HBG2: variants seen among roughly 807,000 people sequenced by gnomAD.
HBG2 encodes hemoglobin subunit gamma-2.
For missense variants in HBG2, 59 were observed against 155.7 expected (o/e 0.38, Z 3.31); for synonymous variants, 25 against 63.2 (o/e 0.40, Z 2.87).
intron 2 of HBG2, among the ~76,000 whole-genome samples, chr11:5,254,036 A>G (rs112013786): frequency 6.6e-6 from 1 of 151,850 alleles, no homozygotes; most frequent in Non-Finnish European, 1.5e-5. Context: ...CCGAAATCTA[A>G]TAAAGAAAAG....
chr11:5,254,287 C>T lies in HBG2; in HGVS notation c.315+5G>A. 2 of 1,614,276 alleles carry T rather than the reference C, an allele frequency of 1.2e-6. No homozygotes were observed. The highest frequency in any genetic ancestry group is 1.7e-6 in the Non-Finnish European group (2 of 1,180,040). On this transcript the variant is annotated splice_donor_5th_base_variant and intron_variant, in intron 2 of 2. Transcript: ENST00000336906. The stretch of plus-strand genomic sequence containing the variant: ...CAACAGTGCTGAAACATCTCCTGGA[C>T]TCACCTTGAAGTTCTCAGGATCCAC...
rs1049842228 is a variant in HBG2 at position 5,253,246 on chromosome 11, C to A, written c.*31G>T. The A allele has an allele frequency of 1.5e-5, 25 of 1,613,582 alleles. No individual in the cohort carries two copies. Among genetic ancestry groups the A allele is most frequent in the Admixed American group, 6.7e-5 (4 of 60,000 alleles). On this transcript the variant is annotated 3_prime_UTR_variant, in exon 3 of 3. Coordinates refer to ENST00000336906, the MANE Select transcript of HBG2 (RefSeq NM_000184.3). The stretch of plus-strand genomic sequence containing the variant: ...TGATTGCTTGCAGAATAAAGCCTAT[C>A]CTTGAAAGCTCTGCATCATGGGCAG...
intron 2 of HBG2, 93 bp from the exon 3 acceptor site, chr11:5,253,498 C>T: frequency 2.4e-6 from 3 of 1,246,692 alleles, no homozygotes; most frequent in Non-Finnish European, 3.5e-6. Flanking sequence ...AGCTTCCACC[C>T]AGAATCAAGC....
At position 5,253,349 on chromosome 11, in the gene HBG2, G is replaced by A. The variant is rs764325049; in HGVS notation, c.372C>T (p.Thr124=). The A allele has an allele frequency of 1.2e-6, 2 of 1,613,876 alleles. No homozygotes were observed. The highest frequency in any genetic ancestry group is 1.1e-5 in the South Asian group (1 of 91,068). The part of the protein sequence containing the change: ...VLAIHFGKEF[T]PEVQASWQKM... ...TCTGCCAGGAAGCCTGCACCTCAGG[G>A]GTGAATTCTTTGCCGAAATGGATTG... Residue 124 remains threonine, a synonymous_variant, in exon 3 of 3, where the codon ACC becomes ACT. Transcript: ENST00000336906.
chr11:5,253,459 C>A, intron 2 of HBG2, 54 bp from the exon 3 acceptor site: 7 of 1,479,490 alleles, frequency 4.7e-6, no homozygotes, highest in Non-Finnish European at 6.6e-6. Context: ...CTGAGAGCTC[C>A]AGCCTGGCCT....
In HBG2 at chr11:5,254,304, AG is replaced by A; in HGVS notation, c.302del (p.Pro101LeufsTer12). 6.2e-7 allele frequency: 1 copy of A among 1,614,290 alleles called. No individual in the cohort carries two copies. The highest frequency in any genetic ancestry group is 1.1e-5 in the South Asian group (1 of 91,092). Reference sequence around the variant, plus strand: ...CTCCTGGACTCACCTTGAAGTTCTCAGGATCCACATGCAGCTTGTCACAGTG... The same window carrying A: ...CTCCTGGACTCACCTTGAAGTTCTCAGATCCACATGCAGCTTGTCACAGTG... Reference protein sequence around the residue: ...ELHCDKLHVDPENFKLLGNVL... With the variant: ...ELHCDKLHVDXENFKLLGNVL... On this transcript the variant is annotated frameshift_variant, in exon 2 of 3. Transcript: ENST00000336906. LOFTEE classifies it low-confidence loss of function (END_TRUNC).
chr11:5,254,160 C>G, intron 2 of HBG2, 132 bp downstream of exon 2: 1 of 1,089,822 alleles, frequency 9.2e-7, no homozygotes, highest in Non-Finnish European at 1.4e-6. Context: ...CCAGTTAGTC[C>G]TCTGCAGTTT....
At position 5,253,205 on chromosome 11, in the gene HBG2, G is replaced by A. The variant is rs772919663; in HGVS notation, c.*72C>T. 1.8e-5 allele frequency: 28 copies of A among 1,590,350 alleles called. No homozygotes were observed. The South Asian group carries it at 3.0e-4, about 17-fold the overall frequency. ...GACAACCATGTGTGATCTCTTAGCA[G>A]AATAGATTTATTATTTGATTGCTTG... On this transcript the variant is annotated 3_prime_UTR_variant, in exon 3 of 3. Coordinates refer to ENST00000336906, the MANE Select transcript of HBG2 (RefSeq NM_000184.3).
At chr11:5,254,130 C>T (rs1368712385) in intron 2 of HBG2, among the ~76,000 whole-genome samples, 162 bp downstream of exon 2, 3 of 151,906 alleles carry the variant, frequency 2.0e-5, no homozygotes, top group Non-Finnish European at 4.4e-5. Flanking sequence ...GGCCCTAAAA[C>T]ATTGCCACTG....
chr11:5,253,434 T>A lies in HBG2; in HGVS notation c.316-29A>T, dbSNP rs568297012. The A allele has an allele frequency of 1.7e-5, 27 of 1,603,304 alleles. 1 individual carries two copies. In the Admixed American group the frequency reaches 3.8e-4, roughly 23 times the overall value. On this transcript the variant is annotated intron_variant, in intron 2 of 2. Coordinates refer to ENST00000336906, the MANE Select transcript of HBG2 (RefSeq NM_000184.3). ...TTGAGATGAAAGGAGACAATAAAGATGAACCCATAGTGAGCTGAGAGCTCC... is the reference window on the plus strand; with the variant it reads ...TTGAGATGAAAGGAGACAATAAAGAAGAACCCATAGTGAGCTGAGAGCTCC...
intron 2 of HBG2, among the ~76,000 whole-genome samples, 182 bp downstream of exon 2, chr11:5,254,110 G>A (rs774066691): frequency 2.4e-4 from 37 of 151,912 alleles, no homozygotes; most frequent in Non-Finnish European, 3.1e-4. Flanking sequence ...ATTTTCAGAG[G>A]CACTCCTTAG....
chr11:5,254,662 C>T lies in HBG2; in HGVS notation c.67G>A (p.Asp23Asn), dbSNP rs1408925032. 1 of 874,254 alleles carries T rather than the reference C, an allele frequency of 1.1e-6. No homozygotes were observed. Among genetic ancestry groups the T allele is most frequent in the Non-Finnish European group, 1.8e-6 (1 of 551,930 alleles). 54.2% of individuals were successfully genotyped at this position (874,254 alleles called of 1,614,324 possible). The change falls in exon 1 of 3, where the codon GAT (aspartate) becomes AAT (asparagine). Residue 23 changes from aspartate to asparagine, a missense_variant. By Grantham distance (23) the Asp-to-Asn change is conservative. Coordinates refer to ENST00000336906, the MANE Select transcript of HBG2 (RefSeq NM_000184.3). ...TSLWGKVNVE[D>N]AGGETLGRLL... Reference sequence around the variant, plus strand: ...CTTCCCAGGGTTTCTCCTCCAGCATCTTCCACATTCACCTTGCCCCACAGG... The same window carrying T: ...CTTCCCAGGGTTTCTCCTCCAGCATTTTCCACATTCACCTTGCCCCACAGG...
At position 5,254,274 on chromosome 11, in the gene HBG2, A is replaced by G. The variant is rs766932762; in HGVS notation, c.315+18T>C. ...TCGAGACTAAAGGCAACAGTGCTGA[A>G]ACATCTCCTGGACTCACCTTGAAGT... On this transcript the variant is annotated intron_variant, in intron 2 of 2. Coordinates refer to ENST00000336906, the MANE Select transcript of HBG2 (RefSeq NM_000184.3). The G allele has an allele frequency of 2.6e-5, 42 of 1,614,138 alleles. No individual in the cohort carries two copies. Among genetic ancestry groups the G allele is most frequent in the Non-Finnish European group, 3.5e-5 (41 of 1,180,040 alleles).
intron 2 of HBG2, 152 bp downstream of exon 2, chr11:5,254,140 G>C: frequency 1.0e-6 from 1 of 985,472 alleles, no homozygotes; most frequent in Non-Finnish European, 1.6e-6. Flanking sequence ...CATTGCCACT[G>C]GGTCTCAGCC....
chr11:5,254,010 G>A (rs11036475), intron 2 of HBG2, among the ~76,000 whole-genome samples: 65,167 of 150,366 alleles, frequency 0.43, 15,758 homozygotes, highest in East Asian at 0.77. Context: ...TAGGGGAAAG[G>A]TGAAAGTTCT....
Position 5,253,303 on chromosome 11 carries a change from T to C in HBG2, c.418A>G (p.Ser140Gly), listed in dbSNP as rs1847972258. The change falls in exon 3 of 3, where the codon AGT (serine) becomes GGT (glycine). Residue 140 changes from serine (S) to glycine (G), a missense_variant. Ser to Gly is a moderately conservative substitution (Grantham distance 56, BLOSUM62 0). Transcript: ENST00000336906. ...CAGTGGTATCTGGAGGACAGGGCAC[T>C]GGCCACTCCAGTCACCATCTTCTGC... ...SWQKMVTGVA[S>G]ALSSRYH 2 of 1,614,118 alleles carry C rather than the reference T, an allele frequency of 1.2e-6. No homozygotes were observed. The highest frequency in any genetic ancestry group is 2.7e-5 in the African/African-American group (2 of 75,058).
chr11:5,253,490 C>G (rs113425530), intron 2 of HBG2, 85 bp from the exon 3 acceptor site: 13 of 1,256,844 alleles, frequency 1.0e-5, no homozygotes, highest in Admixed American at 1.8e-5. Flanking sequence ...ACACACCAAG[C>G]TTCCACCCAG....
At position 5,253,226 on chromosome 11, in the gene HBG2, GC is replaced by G. The variant is rs777041659; in HGVS notation, c.*50del. 5.0e-6 allele frequency: 8 copies of G among 1,608,616 alleles called. No homozygotes were observed. The highest frequency in any genetic ancestry group is 6.8e-6 in the Non-Finnish European group (8 of 1,175,018). On this transcript the variant is annotated 3_prime_UTR_variant, in exon 3 of 3. Coordinates refer to ENST00000336906, the MANE Select transcript of HBG2 (RefSeq NM_000184.3). ...AGCAGAATAGATTTATTATTTGATTGCTTGCAGAATAAAGCCTATCCTTGAA... is the reference window on the plus strand; with the variant it reads ...AGCAGAATAGATTTATTATTTGATTGTTGCAGAATAAAGCCTATCCTTGAA...
chr11:5,253,892 C>A (rs532914270), intron 2 of HBG2, among the ~76,000 whole-genome samples: 1 of 152,190 alleles, frequency 6.6e-6, no homozygotes, highest in African/African-American at 2.4e-5. Context: ...TGTTTGGCCA[C>A]CAAAGTTCCC....
Sources: gnomAD v4.1 joint callset for allele counts (sites outside exome capture counted in the v4.1 genomes callset) on GRCh38, gnomAD v4.1.1 for gene constraint, MANE v1.5 for transcripts, NCBI Gene and HGNC (gene_info 2026-07-23, HGNC 2026-07-21) for gene names.